HPD: variants seen among roughly 807,000 people sequenced by gnomAD.
The protein encoded by HPD is 4-hydroxyphenylpyruvate dioxygenase.
A neutral mutation model predicts 56.9 loss-of-function variants in HPD; 35 were observed. The observed-to-expected ratio is 0.62, with a 90% confidence interval of 0.47 to 0.82. HPD has a LOEUF of 0.82. HPD is among the 40% of genes least tolerant of loss of function. HPD has a pLI of 0.00. For missense variants in HPD, 442 were observed against 506.8 expected, an observed-to-expected ratio of 0.87 and a Z score of 1.23; for synonymous variants, 186 against 200.2, an observed-to-expected ratio of 0.93 and a Z score of 0.60.
chr12:121,847,028 T>A, intron 10 of HPD, 24 bp downstream of exon 10: 1 of 1,613,796 alleles, frequency 6.2e-7, no homozygotes, highest in Non-Finnish European at 8.5e-7. Flanking sequence ...TGCTCCCCTC[T>A]CCCCCAGCCA....
the HPD span, among the ~76,000 whole-genome samples, chr12:121,877,658 G>C: frequency 6.6e-6 from 1 of 152,074 alleles, no homozygotes. Context: ...GCTTGAACTT[G>C]GGAGGTGGAG....
chr12:121,878,430 C>A, the HPD span, among the ~76,000 whole-genome samples: 1 of 152,278 alleles, frequency 6.6e-6, no homozygotes, highest in South Asian at 2.1e-4. Flanking sequence ...CTCACTGCAA[C>A]CTCTACCTCC....
the HPD span, among the ~76,000 whole-genome samples, chr12:121,873,255 G>A: frequency 6.6e-6 from 1 of 152,228 alleles, no homozygotes; most frequent in African/African-American, 2.4e-5. Context: ...ATGCCCAGCT[G>A]TAGGGAGACT....
intron 7 of HPD, among the ~76,000 whole-genome samples, chr12:121,853,567 A>G (rs1313637759): frequency 6.7e-6 from 1 of 150,216 alleles, no homozygotes; most frequent in Admixed American, 6.7e-5. Context: ...GCTTGCAGTG[A>G]GCCGAGATCG....
chr12:121,864,002 C>T (rs1397259432), upstream of HPD, among the ~76,000 whole-genome samples: 1 of 137,956 alleles, frequency 7.2e-6, no homozygotes, highest in East Asian at 2.1e-4. Flanking sequence ...CCAAGGCAGG[C>T]AGATCATTTG....
At chr12:121,873,346 G>A in the HPD span, among the ~76,000 whole-genome samples, 51 of 152,218 alleles carry the variant, frequency 3.4e-4, no homozygotes, top group African/African-American at 1.2e-3. Context: ...CACTTTTTGT[G>A]ATTGAGCAAG....
upstream of HPD, among the ~76,000 whole-genome samples, chr12:121,861,369 T>C (rs1269909076): frequency 2.1e-5 from 3 of 144,324 alleles, no homozygotes. Flanking sequence ...GGTGTGGTGG[T>C]GTGTGCCTGT....
chr12:121,869,378 G>A, the HPD span, among the ~76,000 whole-genome samples: 2 of 131,546 alleles, frequency 1.5e-5, no homozygotes, highest in African/African-American at 5.7e-5. Context: ...AAAAAAATTG[G>A]TGGATATGGG....
chr12:121,869,599 A>G, the HPD span, among the ~76,000 whole-genome samples: 1 of 146,130 alleles, frequency 6.8e-6, no homozygotes, highest in Non-Finnish European at 1.5e-5. Flanking sequence ...CTCTCGGCCC[A>G]CTGCAACCTC....
the HPD span, among the ~76,000 whole-genome samples, chr12:121,875,430 T>TC: frequency 4.7e-5 from 7 of 148,974 alleles, no homozygotes; most frequent in African/African-American, 9.8e-5. Context: ...TTTCTTTCTT[T>TC]TTTTTTTTTT....
At chr12:121,852,952 AC>A (rs2137624918) in intron 7 of HPD, among the ~76,000 whole-genome samples, 1 of 152,098 alleles carries the variant, frequency 6.6e-6, no homozygotes, top group East Asian at 1.9e-4. Context: ...CCTTACGATG[AC>A]CCTATGAGGA....
chr12:121,856,754 G>A, intron 4 of HPD, 129 bp from the exon 5 acceptor site: 1 of 836,072 alleles, frequency 1.2e-6, no homozygotes, highest in Non-Finnish European at 2.0e-6. Context: ...CTGGGTTCTA[G>A]CTCCTTCTCT....
the HPD span, among the ~76,000 whole-genome samples, chr12:121,882,872 A>G: frequency 6.6e-6 from 1 of 152,108 alleles, no homozygotes; most frequent in African/African-American, 2.4e-5. Context: ...AGCTGGGATT[A>G]CAGGCACCTG....
upstream of HPD, chr12:121,859,058 T>G (rs1878107706): frequency 1.7e-6 from 1 of 586,146 alleles, no homozygotes; most frequent in African/African-American, 1.9e-5. Flanking sequence ...CACTAGTCAG[T>G]GGGAGGCAGA....
At chr12:121,867,102 G>A (rs1878347133), upstream of HPD, among the ~76,000 whole-genome samples, 1 of 152,144 alleles carries the variant, frequency 6.6e-6, no homozygotes, top group Admixed American at 6.6e-5. Context: ...TGTAATCCCA[G>A]CACTTTGGGA....
the HPD span, among the ~76,000 whole-genome samples, chr12:121,879,783 A>G: frequency 1.3e-5 from 2 of 152,226 alleles, no homozygotes; most frequent in Non-Finnish European, 2.9e-5. Context: ...TATACTTTGT[A>G]AACACTTTTG....
At chr12:121,840,778 A>G (rs894294404) in intron 12 of HPD, among the ~76,000 whole-genome samples, 2 of 152,088 alleles carry the variant, frequency 1.3e-5, no homozygotes, top group Non-Finnish European at 2.9e-5. Context: ...ACGGATTAAA[A>G]AAAAAAAAGG....
chr12:121,866,315 A>T (rs1041045767), upstream of HPD, among the ~76,000 whole-genome samples: 13 of 151,932 alleles, frequency 8.6e-5, no homozygotes, highest in African/African-American at 2.7e-4. Flanking sequence ...AAAAAAAAAA[A>T]AGAATAAATA....
At chr12:121,852,271 TG>T (rs1431063991) in intron 7 of HPD, among the ~76,000 whole-genome samples, 7 of 152,094 alleles carry the variant, frequency 4.6e-5, no homozygotes, top group Non-Finnish European at 8.8e-5. Context: ...CCTCTTGCCT[TG>T]GCCTCCCAAA....
Sources: allele counts gnomAD v4.1 joint callset (sites outside exome capture counted in the v4.1 genomes callset), GRCh38; gene constraint gnomAD v4.1.1; transcripts MANE v1.5; gene names NCBI Gene and HGNC (gene_info 2026-07-23, HGNC 2026-07-21).